CRYL1: variants seen among roughly 807,000 people sequenced by gnomAD.
The protein encoded by CRYL1 is crystallin lambda 1, also known as lambda-crystallin homolog.
In CRYL1, 29 loss-of-function variants were observed where a neutral mutation model predicts 36.6. That is an observed-to-expected ratio of 0.79 (90% CI 0.59 to 1.08). The LOEUF is 1.08. CRYL1 is among the 50% of genes least tolerant of loss of function. The pLI, the probability that CRYL1 is intolerant of heterozygous loss-of-function variation, is 0.00. For synonymous variants in CRYL1, 152 were observed against 151.5 expected, an observed-to-expected ratio of 1.00 and a Z score of -0.02; for missense variants, 411 against 407.9, an observed-to-expected ratio of 1.01 and a Z score of -0.06.
chr13:20,492,209 G>C (rs966465315), intron 2 of CRYL1, among the ~76,000 whole-genome samples: 1 of 152,212 alleles, frequency 6.6e-6, no homozygotes, highest in Non-Finnish European at 1.5e-5. Context: ...ATCATTCACT[G>C]TGTAGTATGT....
intron 3 of CRYL1, among the ~76,000 whole-genome samples, chr13:20,467,210 G>A (rs1397429816): frequency 1.3e-5 from 2 of 151,774 alleles, no homozygotes; most frequent in Non-Finnish European, 2.9e-5. Context: ...GCCTCCCAAA[G>A]TGCTGGGATT....
chr13:20,502,730 A>G (rs1490238525), intron 2 of CRYL1, among the ~76,000 whole-genome samples: 1 of 152,208 alleles, frequency 6.6e-6, no homozygotes, highest in Non-Finnish European at 1.5e-5. Context: ...GGAGACAGAC[A>G]GGGGAGGAGA....
At chr13:20,408,206 C>T (rs9315546) in intron 6 of CRYL1, among the ~76,000 whole-genome samples, 115,575 of 152,060 alleles carry the variant, frequency 0.76, 44,108 homozygotes, top group Admixed American at 0.84. Context: ...AGAACCGACC[C>T]GGGCCCCTCA....
chr13:20,503,923 T>C (rs2033746891), intron 2 of CRYL1, among the ~76,000 whole-genome samples: 1 of 152,172 alleles, frequency 6.6e-6, no homozygotes, highest in Admixed American at 6.5e-5. Flanking sequence ...GTTTCAGAGA[T>C]CACTGCTGGT....
At chr13:20,506,751 T>C (rs1282374622) in intron 2 of CRYL1, among the ~76,000 whole-genome samples, 1 of 152,140 alleles carries the variant, frequency 6.6e-6, no homozygotes, top group African/African-American at 2.4e-5. Context: ...AAAGATGAAA[T>C]GATAACAGAA....
chr13:20,426,771 G>A (rs1174877803), intron 5 of CRYL1: 2 of 985,320 alleles, frequency 2.0e-6, no homozygotes, highest in Non-Finnish European at 2.4e-6. Context: ...ACAGTTGGCA[G>A]ACATGTCTGA....
At chr13:20,431,296 C>G (rs766239658) in intron 5 of CRYL1, 6 of 985,288 alleles carry the variant, frequency 6.1e-6, no homozygotes, top group Admixed American at 6.1e-5. Context: ...GACTCGAGCC[C>G]GAGCAGCGTC....
intron 3 of CRYL1, among the ~76,000 whole-genome samples, chr13:20,485,040 C>T (rs368276635): frequency 1.3e-3 from 193 of 152,228 alleles, no homozygotes; most frequent in Middle Eastern, 6.8e-3. Context: ...GTTGTTGAGA[C>T]AAGGTCTCAC....
In CRYL1 at chr13:20,519,064, C is replaced by A. The variant is rs376924541; in HGVS notation, c.42-6514G>T. Among the ~76,000 whole-genome samples, 7 of 152,216 alleles carry A rather than the reference C, an allele frequency of 4.6e-5. No homozygotes were observed. The East Asian group carries it at 1.2e-3, about 25-fold the overall frequency. ...TCCAGGTTCAGAGCCAAGGGCTGGG[C>A]TGGGATATTAATTTGGGATTTACTG... On this transcript the variant is annotated intron_variant, in intron 1 of 7. Transcript: ENST00000298248.
At chr13:20,439,533 A>G (rs1244534688) in intron 4 of CRYL1, 60 bp downstream of exon 4, 69 of 1,284,702 alleles carry the variant, frequency 5.4e-5, no homozygotes, top group Non-Finnish European at 6.2e-5. Context: ...AAAAAAAAGA[A>G]AAAAAAAAAA....
At chr13:20,446,050 G>A (rs1361519709) in intron 3 of CRYL1, among the ~76,000 whole-genome samples, 2 of 152,120 alleles carry the variant, frequency 1.3e-5, no homozygotes, top group Admixed American at 1.3e-4. Flanking sequence ...ATTAGAATGG[G>A]CACTACTTTA....
intron 5 of CRYL1, 38 bp from the exon 6 acceptor site, chr13:20,413,425 A>T (rs1194704832): frequency 1.5e-6 from 2 of 1,345,436 alleles, no homozygotes; most frequent in Admixed American, 3.7e-5. Context: ...TGAGTTTTGT[A>T]AAAAGACAAT....
At chr13:20,471,497 C>T (rs1481601820) in intron 3 of CRYL1, among the ~76,000 whole-genome samples, 3 of 151,688 alleles carry the variant, frequency 2.0e-5, no homozygotes, top group Non-Finnish European at 2.9e-5. Context: ...CCCAGCTACT[C>T]GGGAGGCTGA....
At chr13:20,507,715 G>GT (rs1319430343) in intron 2 of CRYL1, among the ~76,000 whole-genome samples, 2 of 152,036 alleles carry the variant, frequency 1.3e-5, no homozygotes, top group Non-Finnish European at 2.9e-5. Flanking sequence ...TCAGGAGATC[G>GT]AGACCATCCT....
chr13:20,462,236 G>T (rs2032845861), intron 3 of CRYL1, among the ~76,000 whole-genome samples: 1 of 151,058 alleles, frequency 6.6e-6, no homozygotes, highest in Non-Finnish European at 1.5e-5. Context: ...GGTGGGAGAA[G>T]GAGGCAGGAG....
intron 5 of CRYL1, among the ~76,000 whole-genome samples, chr13:20,420,701 T>TTTTTTTTTTTTTTTTTTTTTTTTGTG: frequency 4.6e-5 from 1 of 21,874 alleles, no homozygotes; most frequent in Non-Finnish European, 1.4e-4. Context: ...AAAATAGAGG[T>TTTTTTTTTTTTTTTTTTTTTTTTGTG]TGTGTGTGTG....
intron 3 of CRYL1, among the ~76,000 whole-genome samples, chr13:20,459,235 CAA>C (rs61255031): frequency 0.043 from 3,384 of 78,226 alleles, 87 homozygotes; most frequent in African/African-American, 0.15. Flanking sequence ...GACTCCATCT[CAA>C]AAAAAAAAAA....
At chr13:20,442,004 A>G (rs1025934014) in intron 3 of CRYL1, among the ~76,000 whole-genome samples, 2 of 152,210 alleles carry the variant, frequency 1.3e-5, no homozygotes, top group African/African-American at 4.8e-5. Context: ...GGGGAAAAAG[A>G]GCTACAGTAG....
At chr13:20,430,782 AT>A (rs1187366068) in intron 5 of CRYL1, 5 of 985,462 alleles carry the variant, frequency 5.1e-6, no homozygotes, top group South Asian at 4.7e-5. Flanking sequence ...ACAAGGTTTA[AT>A]TCAACAAGTG....
Sources: gnomAD v4.1 joint callset for allele counts (sites outside exome capture counted in the v4.1 genomes callset) on GRCh38, gnomAD v4.1.1 for gene constraint, MANE v1.5 for transcripts, NCBI Gene and HGNC (gene_info 2026-07-23, HGNC 2026-07-21) for gene names.